Variants in MSI2 observed in about 807,000 individuals in gnomAD.
MSI2 encodes the protein musashi RNA binding protein 2, also known as RNA-binding protein Musashi homolog 2.
In MSI2, 17 loss-of-function variants were observed where a neutral mutation model predicts 45.6. The ratio of observed to expected loss-of-function variants is 0.37; its 90% CI spans 0.26 to 0.56. The LOEUF is 0.56. Ranked by LOEUF, MSI2 falls within the 20% of genes least tolerant of loss-of-function variation. MSI2 has a pLI of 0.77. For synonymous variants in MSI2, 156 were observed against 158.2 expected (o/e 0.99, Z 0.11); for missense variants, 293 against 444.2 (o/e 0.66, Z 3.06).
intron 10 of MSI2, among the ~76,000 whole-genome samples, chr17:57,636,051 T>C (rs760330221): frequency 3.9e-5 from 6 of 152,164 alleles, no homozygotes; most frequent in Non-Finnish European, 8.8e-5. Flanking sequence ...AGGGATATCC[T>C]GTTCCTCTGG....
At chr17:57,459,300 A>G (rs2085177307) in intron 6 of MSI2, among the ~76,000 whole-genome samples, 1 of 152,144 alleles carries the variant, frequency 6.6e-6, no homozygotes, top group Non-Finnish European at 1.5e-5. Flanking sequence ...TGGGAAAGGA[A>G]TGAGGTGAGA....
At chr17:57,318,201 G>A (rs1021755861) in intron 5 of MSI2, among the ~76,000 whole-genome samples, 4 of 151,968 alleles carry the variant, frequency 2.6e-5, no homozygotes, top group African/African-American at 9.7e-5. Flanking sequence ...AGGTGGGAAG[G>A]TGGGAAGGTG....
At chr17:57,378,356 C>T (rs534020969) in intron 5 of MSI2, among the ~76,000 whole-genome samples, 7 of 152,094 alleles carry the variant, frequency 4.6e-5, no homozygotes, top group Non-Finnish European at 7.4e-5. Flanking sequence ...CTCCGCCTCC[C>T]GGGTTGAAGC....
intron 10 of MSI2, chr17:57,628,496 G>A (rs995536234): frequency 2.0e-5 from 3 of 152,302 alleles, no homozygotes; most frequent in Non-Finnish European, 4.4e-5. Context: ...AGCGGTGGAA[G>A]CCCCAAGCTC....
At chr17:57,479,812 T>C (rs1268863420) in intron 6 of MSI2, among the ~76,000 whole-genome samples, 2 of 152,204 alleles carry the variant, frequency 1.3e-5, no homozygotes, top group East Asian at 3.9e-4. Context: ...CATGATCCAT[T>C]TGATCCTCAT....
At chr17:57,406,876 T>G (rs2084092080) in intron 6 of MSI2, 1 of 152,390 alleles carries the variant, frequency 6.6e-6, no homozygotes, top group Non-Finnish European at 1.5e-5. Flanking sequence ...CCCATGTCCC[T>G]TCTGGGCCAG....
At chr17:57,367,209 G>A (rs1001138976) in intron 5 of MSI2, among the ~76,000 whole-genome samples, 9 of 152,228 alleles carry the variant, frequency 5.9e-5, no homozygotes, top group African/African-American at 1.9e-4. Context: ...GAGCACAGAC[G>A]AAGCTACACT....
chr17:57,666,905 G>C (rs1912410385), intron 11 of MSI2, among the ~76,000 whole-genome samples: 1 of 152,212 alleles, frequency 6.6e-6, no homozygotes, highest in Non-Finnish European at 1.5e-5. Flanking sequence ...ATGGATCAAA[G>C]CAAAGCAAGG....
In MSI2 at chr17:57,644,690, A is replaced by G. The variant is rs183760446; in HGVS notation, c.728-7409A>G. ...CCATCTATAGAAATTGCTGCTGGGG[A>G]GATGCAAGCATGCTGGGGAAGGGGG... is the stretch of plus-strand genomic sequence containing the variant. On this transcript the variant is annotated intron_variant, in intron 10 of 13. Transcript: ENST00000284073. 2.6e-5 allele frequency among the ~76,000 whole-genome samples: 4 copies of G among 152,296 alleles called. No individual in the cohort carries two copies. In the East Asian group the frequency reaches 7.7e-4, roughly 29 times the overall value.
chr17:57,297,601 A>G (rs1911088715), intron 5 of MSI2, among the ~76,000 whole-genome samples: 2 of 152,152 alleles, frequency 1.3e-5, no homozygotes, highest in Non-Finnish European at 2.9e-5. Context: ...TAAGACAATG[A>G]TGAAGTTTGC....
At chr17:57,348,065 G>A (rs183424071) in intron 5 of MSI2, among the ~76,000 whole-genome samples, 33 of 152,298 alleles carry the variant, frequency 2.2e-4, no homozygotes, top group Non-Finnish European at 3.8e-4. Flanking sequence ...TGCACACATC[G>A]CATTAGAAGG....
At chr17:57,458,365 G>T (rs911005901) in intron 6 of MSI2, among the ~76,000 whole-genome samples, 2 of 152,168 alleles carry the variant, frequency 1.3e-5, no homozygotes, top group African/African-American at 4.8e-5. Context: ...CTCCCAAAGT[G>T]CTGGGATTAT....
In MSI2 at chr17:57,673,725, G is replaced by A. The variant is rs192541587; in HGVS notation, c.791-1247G>A. On this transcript the variant is annotated intron_variant, in intron 11 of 13. Transcript: ENST00000284073. Reference sequence around the variant, plus strand: ...AGAATGATGGGATTGGGGGGGCCGAGGCAGTGTCACCTTCCGCTGCCCCCC... The same window carrying A: ...AGAATGATGGGATTGGGGGGGCCGAAGCAGTGTCACCTTCCGCTGCCCCCC... Among the ~76,000 whole-genome samples, 818 of 152,194 alleles carry A rather than the reference G, an allele frequency of 5.4e-3. 9 individuals are homozygous for A. Among genetic ancestry groups the A allele is most frequent in the African/African-American group, 0.019 (779 of 41,514 alleles).
rs376587164 is a variant in MSI2 at position 57,485,821 on chromosome 17, A to G, written c.406-43855A>G. ...GAAGCAGGAGTTCAGGCTGAGGATG[A>G]GCCAGTGACCCCCTGCTCTGGCCGT... On this transcript the variant is annotated intron_variant, in intron 6 of 13. Transcript: ENST00000284073. 9.2e-5 allele frequency among the ~76,000 whole-genome samples: 14 copies of G among 152,334 alleles called. No individual in the cohort carries two copies. In the South Asian group the frequency reaches 2.7e-3, roughly 29 times the overall value.
At chr17:57,291,683 C>G (rs1264507943) in intron 5 of MSI2, among the ~76,000 whole-genome samples, 1 of 152,126 alleles carries the variant, frequency 6.6e-6, no homozygotes, top group Non-Finnish European at 1.5e-5. Flanking sequence ...GTCAGCAGGT[C>G]CCGCACTTGA....
intron 8 of MSI2, among the ~76,000 whole-genome samples, chr17:57,606,865 T>G (rs1598444242): frequency 3.9e-5 from 5 of 129,076 alleles, no homozygotes; most frequent in African/African-American, 1.2e-4. Context: ...GGGTGGAGAG[T>G]GTGGGGAAGG....
At chr17:57,516,702 T>A (rs1355033882) in intron 6 of MSI2, among the ~76,000 whole-genome samples, 1 of 152,210 alleles carries the variant, frequency 6.6e-6, no homozygotes, top group African/African-American at 2.4e-5. Flanking sequence ...TAGTTTCTAC[T>A]TTTCAATGCT....
chr17:57,261,485 T>G (rs1293030316), intron 4 of MSI2, among the ~76,000 whole-genome samples: 2 of 152,204 alleles, frequency 1.3e-5, no homozygotes, highest in African/African-American at 4.8e-5. Flanking sequence ...CTTCATTTTC[T>G]TTACTTCAAA....
At chr17:57,429,269 G>C (rs780989300) in intron 6 of MSI2, among the ~76,000 whole-genome samples, 5 of 152,184 alleles carry the variant, frequency 3.3e-5, no homozygotes, top group Non-Finnish European at 7.3e-5. Context: ...GTCTGGGAGA[G>C]AAAAGGTTGG....
Sources: gnomAD v4.1 joint callset for allele counts (sites outside exome capture counted in the v4.1 genomes callset) on GRCh38, gnomAD v4.1.1 for gene constraint, MANE v1.5 for transcripts, NCBI Gene and HGNC (gene_info 2026-07-23, HGNC 2026-07-21) for gene names.